The following GRID1 variants were observed in gnomAD, a reference collection of about 807,000 sequenced individuals.
GRID1 encodes glutamate ionotropic receptor delta type subunit 1.
In GRID1, 28 loss-of-function variants were observed where a neutral mutation model predicts 98.0. The ratio of observed to expected loss-of-function variants is 0.29; its 90% confidence interval spans 0.21 to 0.39. GRID1 has a LOEUF of 0.39. GRID1 is among the 10% of genes least tolerant of loss of function. GRID1 has a pLI of 1.00. For synonymous variants in GRID1, 553 were observed against 538.5 expected (o/e 1.03, Z -0.37); for missense variants, 1,111 against 1,340.5 (o/e 0.83, Z 2.67).
chr10:85,817,526 A>G (rs1842726411), intron 8 of GRID1, among the ~76,000 whole-genome samples: 1 of 152,070 alleles, frequency 6.6e-6, no homozygotes, highest in Non-Finnish European at 1.5e-5. Context: ...ACTCTATCTC[A>G]ATAATAACAA....
intron 8 of GRID1, among the ~76,000 whole-genome samples, chr10:85,785,092 C>G (rs1169198646): frequency 6.6e-6 from 1 of 152,200 alleles, no homozygotes; most frequent in Non-Finnish European, 1.5e-5. Flanking sequence ...TGGGGCCTGG[C>G]CTGACTGAGA....
chr10:85,675,771 T>C lies in GRID1; in HGVS notation c.1998-28374A>G, dbSNP rs533780148. ...CAGCCTGGTGTGACATTAACCCACA[T>C]AGACTAAATTGGAGGCATCAGCTTC... is the stretch of plus-strand genomic sequence containing the variant. On this transcript the variant is annotated intron_variant, in intron 12 of 15. Coordinates refer to ENST00000327946, the MANE Select transcript of GRID1 (RefSeq NM_017551.3). Among the ~76,000 whole-genome samples the C allele has an allele frequency of 5.3e-5, 8 of 152,330 alleles. No homozygotes were observed. In the South Asian group the frequency reaches 6.2e-4, roughly 12 times the overall value.
intron 2 of GRID1, among the ~76,000 whole-genome samples, chr10:86,277,192 C>A (rs145769348): frequency 7.9e-5 from 12 of 152,244 alleles, no homozygotes; most frequent in African/African-American, 2.6e-4. Flanking sequence ...GAACAATACA[C>A]TTAAAAATAG....
At chr10:86,059,626 A>C (rs1174014935) in intron 4 of GRID1, among the ~76,000 whole-genome samples, 1 of 152,254 alleles carries the variant, frequency 6.6e-6, no homozygotes, top group South Asian at 2.1e-4. Flanking sequence ...CCAACAAAGT[A>C]CCATTTGGGG....
At chr10:85,796,035 G>A (rs550793468) in intron 8 of GRID1, among the ~76,000 whole-genome samples, 4 of 152,242 alleles carry the variant, frequency 2.6e-5, no homozygotes, top group Non-Finnish European at 4.4e-5. Flanking sequence ...TGGAATTGAC[G>A]AAGAAAAGAC....
At chr10:85,864,054 C>T (rs1004952395) in intron 6 of GRID1, among the ~76,000 whole-genome samples, 4 of 152,198 alleles carry the variant, frequency 2.6e-5, no homozygotes, top group African/African-American at 7.2e-5. Context: ...TTTCTCTTCC[C>T]TCTGTCATTA....
chr10:85,974,283 GTTTGT>G (rs143157635), intron 4 of GRID1, among the ~76,000 whole-genome samples: 81,584 of 150,870 alleles, frequency 0.54, 22,900 homozygotes, highest in African/African-American at 0.7. Flanking sequence ...CAAGTTTTTT[GTTTGT>G]TTTGTTTTGT....
At chr10:86,335,942 G>A (rs1260747453) in intron 2 of GRID1, among the ~76,000 whole-genome samples, 1 of 152,260 alleles carries the variant, frequency 6.6e-6, no homozygotes, top group Non-Finnish European at 1.5e-5. Context: ...CCAACACAGG[G>A]TAAACCCTTA....
intron 5 of GRID1, among the ~76,000 whole-genome samples, chr10:85,871,026 C>T (rs1334610313): frequency 6.6e-6 from 1 of 152,128 alleles, no homozygotes; most frequent in African/African-American, 2.4e-5. Context: ...TTCTCTGTAG[C>T]TGTGTGCAAC....
chr10:86,034,122 G>A (rs1029968360), intron 4 of GRID1, among the ~76,000 whole-genome samples: 2 of 152,120 alleles, frequency 1.3e-5, no homozygotes, highest in African/African-American at 2.4e-5. Flanking sequence ...GTTAATATTC[G>A]ATTTTTTTAA....
intron 5 of GRID1, among the ~76,000 whole-genome samples, chr10:85,870,613 A>T (rs1242532032): frequency 6.6e-6 from 1 of 152,256 alleles, no homozygotes; most frequent in Non-Finnish European, 1.5e-5. Flanking sequence ...GGCAGGGCAC[A>T]GTTGCAGTTG....
chr10:86,333,590 C>A (rs553779308), intron 2 of GRID1, among the ~76,000 whole-genome samples: 20 of 152,330 alleles, frequency 1.3e-4, no homozygotes, highest in Non-Finnish European at 8.8e-5. Context: ...TTGAGTACAA[C>A]TTTTGACTCC....
intron 2 of GRID1, among the ~76,000 whole-genome samples, chr10:86,349,124 G>C (rs1276357566): frequency 1.3e-5 from 2 of 152,198 alleles, no homozygotes. Flanking sequence ...GCTCACGGCT[G>C]TCAGGCTCAC....
chr10:86,078,861 G>A (rs969587362), intron 4 of GRID1, among the ~76,000 whole-genome samples: 1 of 152,228 alleles, frequency 6.6e-6, no homozygotes, highest in African/African-American at 2.4e-5. Context: ...TGCCCCTGAG[G>A]GGAGCCAGCA....
intron 8 of GRID1, among the ~76,000 whole-genome samples, chr10:85,772,701 G>A (rs1006515172): frequency 5.8e-4 from 88 of 152,208 alleles, no homozygotes; most frequent in Middle Eastern, 3.4e-3. Flanking sequence ...ACACCTCTAC[G>A]CAAATAAACT....
At position 86,081,130 on chromosome 10, in the gene GRID1, C is replaced by CATT. The variant is rs529074206; in HGVS notation, c.726+57686_726+57688dup. The stretch of plus-strand genomic sequence containing the variant: ...AAACAGCAAGTAAAGGTAACTATCT[C>CATT]ATTATTATTATTATTATTTTGTGAT... On this transcript the variant is annotated intron_variant, in intron 4 of 15. Coordinates refer to ENST00000327946, the MANE Select transcript of GRID1 (RefSeq NM_017551.3). Among the ~76,000 whole-genome samples, 39 of 152,052 alleles carry CATT rather than the reference C, an allele frequency of 2.6e-4. 1 individual carries two copies. Among genetic ancestry groups the CATT allele is most frequent in the South Asian group, 2.1e-3 (10 of 4,826 alleles).
At position 86,206,535 on chromosome 10, in the gene GRID1, G is replaced by A; in HGVS notation, c.349C>T (p.Gln117Ter). ...DAMHIPHLFV[Q>*]RNPGGSPRTA... Reference sequence around the variant, plus strand: ...CGTGGCGACCCTCCCGGGTTGCGCTGGACAAAGAGGTGTGGGATGTGCATG... The same window carrying A: ...CGTGGCGACCCTCCCGGGTTGCGCTAGACAAAGAGGTGTGGGATGTGCATG... Residue 117 changes from glutamine to a stop codon, truncating the protein, a stop_gained, in exon 3 of 16, where the codon CAG (glutamine) becomes TAG (stop). Transcript: ENST00000327946. LOFTEE classifies it high-confidence loss of function. This position sits in a 1 kb window ranked among gnomAD's most constrained non-coding sequence, Gnocchi z 4.1. 3 of 1,614,218 alleles carry A rather than the reference G, an allele frequency of 1.9e-6. No homozygotes were observed. The highest frequency in any genetic ancestry group is 2.5e-6 in the Non-Finnish European group (3 of 1,180,050).
intron 2 of GRID1, among the ~76,000 whole-genome samples, chr10:86,263,924 G>A (rs1425615168): frequency 1.3e-5 from 2 of 152,146 alleles, no homozygotes; most frequent in Admixed American, 1.3e-4. Flanking sequence ...AAAATATTTG[G>A]CTCACATTTT....
At chr10:86,009,016 G>A (rs73342121) in intron 4 of GRID1, among the ~76,000 whole-genome samples, 4,325 of 152,072 alleles carry the variant, frequency 0.028, 224 homozygotes, top group African/African-American at 0.099. Context: ...TCACAACAGC[G>A]TCCTATTGTA....
Sources: allele counts gnomAD v4.1 joint callset (sites outside exome capture counted in the v4.1 genomes callset), GRCh38; gene constraint gnomAD v4.1.1; non-coding constraint Gnocchi (gnomAD v3.1); transcripts MANE v1.5; gene names NCBI Gene and HGNC (gene_info 2026-07-23, HGNC 2026-07-21).